AGBL4: variants seen among roughly 807,000 people sequenced by gnomAD.
AGBL4 encodes cytosolic carboxypeptidase 6.
Under a neutral mutation model 66.4 loss-of-function variants are expected in AGBL4, and 58 were observed. The observed-to-expected ratio is 0.87, with a 90% CI of 0.71 to 1.09. The LOEUF is 1.09. Among genes scored for constraint, AGBL4 ranks in the 50% least tolerant of loss-of-function variants. AGBL4 has a pLI of 0.00. For synonymous variants in AGBL4, 234 were observed against 222.9 expected, an observed-to-expected ratio of 1.05 and a Z score of -0.44; for missense variants, 579 against 631.0, an observed-to-expected ratio of 0.92 and a Z score of 0.88.
chr1:49,740,177 T>C (rs925201763), intron 2 of AGBL4, among the ~76,000 whole-genome samples: 1 of 152,064 alleles, frequency 6.6e-6, no homozygotes, highest in African/African-American at 2.4e-5. Flanking sequence ...GAGACACACA[T>C]AGGCTTAAAA....
intron 2 of AGBL4, among the ~76,000 whole-genome samples, chr1:49,828,968 C>A (rs1645583358): frequency 6.6e-6 from 1 of 151,840 alleles, no homozygotes. Flanking sequence ...ACTCGGGAGG[C>A]TGAGGCAGGA....
At chr1:49,382,067 A>T (rs1218142477) in intron 3 of AGBL4, among the ~76,000 whole-genome samples, 1 of 152,124 alleles carries the variant, frequency 6.6e-6, no homozygotes, top group African/African-American at 2.4e-5. Context: ...TTCACACAAC[A>T]GTATTCAGGC....
In AGBL4 at chr1:48,946,086, A is replaced by G. The variant is rs546485952; in HGVS notation, c.595-78856T>C. 2.0e-5 allele frequency among the ~76,000 whole-genome samples: 3 copies of G among 152,274 alleles called. No individual in the cohort carries two copies. The South Asian group carries it at 6.2e-4, about 32-fold the overall frequency. On this transcript the variant is annotated intron_variant, in intron 5 of 13. Coordinates refer to ENST00000371839, the MANE Select transcript of AGBL4 (RefSeq NM_032785.4). ...ACCATTCTCTTCCCTATTGAAATTG[A>G]GCCTTCCATGTTTAGCTCAAGAACT...
At chr1:49,051,892 C>A (rs913670324) in intron 4 of AGBL4, among the ~76,000 whole-genome samples, 2 of 152,094 alleles carry the variant, frequency 1.3e-5, no homozygotes, top group Non-Finnish European at 2.9e-5. Flanking sequence ...CATTTTTACA[C>A]CCAGTGTCTA....
chr1:49,864,935 C>A (rs1330738349), intron 1 of AGBL4, among the ~76,000 whole-genome samples: 1 of 152,118 alleles, frequency 6.6e-6, no homozygotes. Flanking sequence ...GGAGGCTGGG[C>A]AAATTGGACC....
intron 4 of AGBL4, among the ~76,000 whole-genome samples, chr1:49,050,446 A>G (rs1456629848): frequency 2.0e-5 from 3 of 152,106 alleles, no homozygotes; most frequent in African/African-American, 7.2e-5. Flanking sequence ...GGACCTATAC[A>G]AAGGCTTATA....
intron 3 of AGBL4, among the ~76,000 whole-genome samples, chr1:49,647,071 A>G (rs1645904218): frequency 6.6e-6 from 1 of 152,058 alleles, no homozygotes; most frequent in African/African-American, 2.4e-5. Context: ...CTGAAATTAT[A>G]AAGACTTTAG....
At chr1:49,514,153 T>C (rs1649536464) in intron 3 of AGBL4, among the ~76,000 whole-genome samples, 1 of 151,940 alleles carries the variant, frequency 6.6e-6, no homozygotes, top group Admixed American at 6.6e-5. Context: ...TAAACAATCA[T>C]GTCATCTGCA....
At chr1:49,705,134 T>G (rs1026500223) in intron 2 of AGBL4, among the ~76,000 whole-genome samples, 1 of 152,154 alleles carries the variant, frequency 6.6e-6, no homozygotes, top group African/African-American at 2.4e-5. Context: ...CTTAAAGAGG[T>G]CCTTCACATC....
intron 6 of AGBL4, among the ~76,000 whole-genome samples, chr1:48,769,526 AACACACACACAC>A (rs558937968): frequency 1.2e-3 from 160 of 130,306 alleles, no homozygotes; most frequent in South Asian, 2.3e-3. Context: ...GAGGATTTAA[AACACACACACAC>A]ACACACACAC....
rs1173834135 is a variant in AGBL4, at chr1:48,774,533, T to C, written c.634+92658A>G. 2.0e-5 allele frequency among the ~76,000 whole-genome samples: 3 copies of C among 152,228 alleles called. 1 individual carries two copies. The highest frequency in any genetic ancestry group is 3.8e-4 in the East Asian group (2 of 5,200). ...GAAGAGAGGTAAGGGGAAGTGTTTTTCAACTAATTCAAACTGGCACACTTC... is the reference window on the plus strand; with the variant it reads ...GAAGAGAGGTAAGGGGAAGTGTTTTCCAACTAATTCAAACTGGCACACTTC... On this transcript the variant is annotated intron_variant, in intron 6 of 13. Coordinates refer to ENST00000371839, the MANE Select transcript of AGBL4 (RefSeq NM_032785.4).
At chr1:48,871,087 T>C (rs1055846318) in intron 5 of AGBL4, among the ~76,000 whole-genome samples, 10 of 152,302 alleles carry the variant, frequency 6.6e-5, no homozygotes, top group African/African-American at 2.2e-4. Flanking sequence ...ATAGAGCACA[T>C]GGTTTATAGA....
At chr1:49,934,826 A>G (rs1653765429) in intron 1 of AGBL4, among the ~76,000 whole-genome samples, 1 of 147,926 alleles carries the variant, frequency 6.8e-6, no homozygotes, top group African/African-American at 2.5e-5. Context: ...CAGAGATACA[A>G]AAAAAAAAAA....
At chr1:49,291,120 G>T (rs919441303) in intron 3 of AGBL4, among the ~76,000 whole-genome samples, 8 of 152,102 alleles carry the variant, frequency 5.3e-5, no homozygotes, top group Non-Finnish European at 1.2e-4. Flanking sequence ...TATCCAAGGA[G>T]GTCCTGGAAG....
chr1:49,692,914 C>A (rs1483777434), intron 3 of AGBL4, among the ~76,000 whole-genome samples: 1 of 152,070 alleles, frequency 6.6e-6, no homozygotes, highest in African/African-American at 2.4e-5. Context: ...AATCTATTGG[C>A]AATCCCAGGT....
intron 6 of AGBL4, among the ~76,000 whole-genome samples, chr1:48,846,358 GAAAGAAGA>G (rs1558035874): frequency 1.5e-5 from 2 of 133,206 alleles, no homozygotes; most frequent in African/African-American, 5.8e-5. Flanking sequence ...AAAGGAGAAA[GAAAGAAGA>G]AAGAAAGAAA....
At chr1:49,277,887 G>A (rs1240866277) in intron 3 of AGBL4, among the ~76,000 whole-genome samples, 1 of 152,008 alleles carries the variant, frequency 6.6e-6, no homozygotes, top group Non-Finnish European at 1.5e-5. Flanking sequence ...AATAAAGCAA[G>A]CACTACTTTT....
intron 3 of AGBL4, among the ~76,000 whole-genome samples, chr1:49,585,481 C>T (rs1016408674): frequency 8.5e-5 from 13 of 152,048 alleles, no homozygotes; most frequent in African/African-American, 1.7e-4. Flanking sequence ...TGGCCTCCAG[C>T]CAACAGTCAC....
At chr1:49,169,047 A>G (rs977324585) in intron 4 of AGBL4, among the ~76,000 whole-genome samples, 1 of 152,194 alleles carries the variant, frequency 6.6e-6, no homozygotes, top group African/African-American at 2.4e-5. Flanking sequence ...TCTCTTCTCC[A>G]TATTAATTCC....
Sources: gnomAD v4.1 joint callset for allele counts (sites outside exome capture counted in the v4.1 genomes callset) on GRCh38, gnomAD v4.1.1 for gene constraint, MANE v1.5 for transcripts, NCBI Gene and HGNC (gene_info 2026-07-23, HGNC 2026-07-21) for gene names.